The following CACNA1G variants were observed in gnomAD, a reference collection of about 807,000 sequenced individuals.
The protein encoded by CACNA1G is calcium voltage-gated channel subunit alpha1 G.
A neutral mutation model predicts 219.4 loss-of-function variants in CACNA1G; 67 were observed. That is an observed-to-expected ratio of 0.31 (90% confidence interval 0.25 to 0.37). CACNA1G has a LOEUF of 0.37. Among genes scored for constraint, CACNA1G ranks in the 10% least tolerant of loss-of-function variants. CACNA1G has a pLI of 1.00. For synonymous variants in CACNA1G, 1,296 were observed against 1,345.3 expected, an observed-to-expected ratio of 0.96 and a Z score of 0.80; for missense variants, 2,380 against 3,231.4, an observed-to-expected ratio of 0.74 and a Z score of 6.39.
chr17:50,580,061 C>T (rs1416802268), intron 9 of CACNA1G, among the ~76,000 whole-genome samples: 2 of 152,284 alleles, frequency 1.3e-5, no homozygotes, highest in South Asian at 2.1e-4. Flanking sequence ...ATTGGCGTCC[C>T]TTCCTCTAAC....
chr17:50,571,466 C>T lies in CACNA1G; in HGVS notation c.587-412C>T, dbSNP rs559154420. Among the ~76,000 whole-genome samples the T allele has an allele frequency of 2.0e-5, 3 of 152,154 alleles. No individual in the cohort carries two copies. The highest frequency in any genetic ancestry group is 1.9e-4 in the East Asian group (1 of 5,172). On this transcript the variant is annotated intron_variant, in intron 4 of 37. Transcript: ENST00000359106. The surrounding 1 kb of genome is among the most constrained non-coding windows in gnomAD (Gnocchi z 4.3). ...TGTGGGTGTGTGTTGGAGAGGGATTCGGAAGCCAAAGCCTGGGTTCGAGTT... is the reference window on the plus strand; with the variant it reads ...TGTGGGTGTGTGTTGGAGAGGGATTTGGAAGCCAAAGCCTGGGTTCGAGTT...
rs1362998548 is a variant in CACNA1G, at chr17:50,590,455, C to T, written c.2302-16C>T. 2 of 1,613,216 alleles carry T rather than the reference C, an allele frequency of 1.2e-6. No homozygotes were observed. Among genetic ancestry groups the T allele is most frequent in the Admixed American group, 1.7e-5 (1 of 60,004 alleles). On this transcript the variant is annotated splice_polypyrimidine_tract_variant and intron_variant, in intron 9 of 37. Coordinates refer to ENST00000359106, the MANE Select transcript of CACNA1G (RefSeq NM_018896.5). ...AGTGATAAGCCAGCTGCCTCACATC[C>T]CACCCTGCCCTGCAGCCCGAGGAGC...
rs892878765 is a variant in CACNA1G, at chr17:50,561,527, A to G, written c.68A>G (p.Asn23Ser). The G allele has an allele frequency of 2.6e-6, 4 of 1,537,494 alleles. No homozygotes were observed. Among genetic ancestry groups the G allele is most frequent in the East Asian group, 4.9e-5 (2 of 40,844 alleles). The change falls in exon 1 of 38, where the codon AAC becomes AGC. Residue 23 changes from asparagine to serine, a missense_variant. Asn to Ser is a conservative substitution (Grantham distance 46). Around this residue, in one of 17 missense-constraint regions of CACNA1G, gnomAD observed 98 missense variants for 85.5 expected, o/e 1.15. Coordinates refer to ENST00000359106, the MANE Select transcript of CACNA1G (RefSeq NM_018896.5). Reference sequence around the variant, plus strand: ...CAGCCCCGGAGCTTCATGCGGCTCAACGACCTGTCGGGGGCCGGGGGCCGG... The same window carrying G: ...CAGCCCCGGAGCTTCATGCGGCTCAGCGACCTGTCGGGGGCCGGGGGCCGG... ...SGQPRSFMRLNDLSGAGGRPG... is the reference protein window; with the variant it reads ...SGQPRSFMRLSDLSGAGGRPG...
rs1482848142 is a variant in CACNA1G at position 50,595,068 on chromosome 17, A to G, written c.2979+7A>G. On this transcript the variant is annotated splice_region_variant and intron_variant, in intron 14 of 37. Coordinates refer to ENST00000359106, the MANE Select transcript of CACNA1G (RefSeq NM_018896.5). ...GCCTGTCGACTCCCAGGGGGTAGGT[A>G]CGCGATCATGAGCCGGCATGCCTCC... 1.3e-6 allele frequency: 2 copies of G among 1,551,080 alleles called. No homozygotes were observed.
Position 50,626,483 on chromosome 17 carries a change from A to G in CACNA1G, c.6866A>G (p.Asn2289Ser). ...SQPHLGTDPS[N>S]LGGQPLGGPG... is the part of the protein sequence containing the mutation. Reference sequence around the variant, plus strand: ...CCCCACCTGGGCACAGACCCCTCTAACCTTGGGGGCCAGCCTCTTGGGGGG... The same window carrying G: ...CCCCACCTGGGCACAGACCCCTCTAGCCTTGGGGGCCAGCCTCTTGGGGGG... The change falls in exon 38 of 38, where the codon AAC (asparagine) becomes AGC (serine). Residue 2289 changes from asparagine to serine, a missense_variant. Transcript: ENST00000359106. The surrounding 1 kb of genome is among the most constrained non-coding windows in gnomAD (Gnocchi z 4.3). 6.3e-7 allele frequency: 1 copy of G among 1,593,056 alleles called. No homozygotes were observed.
rs769739522 is a variant in CACNA1G at position 50,578,354 on chromosome 17, A to C, written c.2091A>C (p.Thr697=). The C allele has an allele frequency of 1.4e-5, 23 of 1,613,178 alleles. No homozygotes were observed. Among genetic ancestry groups the C allele is most frequent in the Non-Finnish European group, 1.8e-5 (21 of 1,179,882 alleles). ...DSDSEAVYEF[T]QDAQHSDLRD... ...ACAGCGAGGCAGTTTATGAGTTCAC[A>C]CAGGATGCCCAGCACAGCGACCTCC... The change falls in exon 9 of 38, where the codon ACA becomes ACC. Residue 697 remains threonine (T), a synonymous_variant. Transcript: ENST00000359106. The surrounding 1 kb of genome is among the most constrained non-coding windows in gnomAD (Gnocchi z 4.5).
At chr17:50,614,709 A>C (rs1454242000) in intron 26 of CACNA1G, among the ~76,000 whole-genome samples, 1 of 152,188 alleles carries the variant, frequency 6.6e-6, no homozygotes, top group Non-Finnish European at 1.5e-5. Flanking sequence ...TGAGTCCAAC[A>C]GGTGGGGCCC....
chr17:50,585,671 G>A (rs924789977), intron 9 of CACNA1G, among the ~76,000 whole-genome samples: 11 of 152,082 alleles, frequency 7.2e-5, no homozygotes, highest in African/African-American at 2.7e-4. Context: ...AAACTGGAGA[G>A]CTTCCGGGGG....
At position 50,618,649 on chromosome 17, in the gene CACNA1G, C is replaced by A. The variant is rs1320148037; in HGVS notation, c.5428-6C>A. 1.2e-6 allele frequency: 2 copies of A among 1,606,990 alleles called. No homozygotes were observed. The highest frequency in any genetic ancestry group is 1.3e-5 in the African/African-American group (1 of 74,912). Reference sequence around the variant, plus strand: ...CAGCCTCACCCCTCTATTCCACCCTCCCCAGGACACCCTCCGGGACTGTGA... The same window carrying A: ...CAGCCTCACCCCTCTATTCCACCCTACCCAGGACACCCTCCGGGACTGTGA... On this transcript the variant is annotated splice_polypyrimidine_tract_variant and splice_region_variant and intron_variant, in intron 32 of 37. Coordinates refer to ENST00000359106, the MANE Select transcript of CACNA1G (RefSeq NM_018896.5). The surrounding 1 kb of genome is among the most constrained non-coding windows in gnomAD (Gnocchi z 5.3).
intron 9 of CACNA1G, among the ~76,000 whole-genome samples, chr17:50,588,999 CA>C (rs2043596641): frequency 1.3e-5 from 2 of 152,216 alleles, no homozygotes; most frequent in African/African-American, 4.8e-5. Context: ...CAGTGAGAAG[CA>C]AGGAGAGGTG....
At chr17:50,597,719 T>C (rs752624416) in intron 16 of CACNA1G, among the ~76,000 whole-genome samples, 3 of 152,208 alleles carry the variant, frequency 2.0e-5, no homozygotes, top group Non-Finnish European at 4.4e-5. Flanking sequence ...TGCTGTGCAA[T>C]AAATCTCGAA....
At position 50,624,439 on chromosome 17, in the gene CACNA1G, C is replaced by T. The variant is rs2301835; in HGVS notation, c.6309C>T (p.Leu2103=). 0.082 allele frequency: 130,741 copies of T among 1,599,224 alleles called. 5,898 individuals carry two copies. Among genetic ancestry groups the T allele is most frequent in the African/African-American group, 0.16 (12,151 of 74,502 alleles). The change falls in exon 37 of 38, where the codon CTC becomes CTT. Residue 2103 remains leucine (L), a synonymous_variant. Coordinates refer to ENST00000359106, the MANE Select transcript of CACNA1G (RefSeq NM_018896.5). ...TTCCCAAAGATGCACCTCATCTGCT[C>T]CAGCCCCACAGCGCCCCAACCTGGG... ...LQLPKDAPHL[L]QPHSAPTWGT...
At chr17:50,623,835 G>T (rs1220163328) in intron 35 of CACNA1G, 72 bp from the exon 36 acceptor site, 1 of 1,503,514 alleles carries the variant, frequency 6.7e-7, no homozygotes, top group Admixed American at 1.9e-5. Flanking sequence ...GCTTTCTGTT[G>T]TCAGCGCTGC....
chr17:50,576,264 G>C lies in CACNA1G; in HGVS notation c.1862G>C (p.Ser621Thr). 1 of 1,592,126 alleles carries C rather than the reference G, an allele frequency of 6.3e-7. No homozygotes were observed. The highest frequency in any genetic ancestry group is 8.5e-7 in the Non-Finnish European group (1 of 1,170,032). ...AGCTCTGGGCCCCCAACCCTCACCA[G>C]CCTCAACATCCCACCCGGGCCCTAC... ...AASSGPPTLT[S>T]LNIPPGPYSS... The change falls in exon 8 of 38, where the codon AGC becomes ACC. Residue 621 changes from serine to threonine, a missense_variant. This residue lies in a region of CACNA1G where 434 missense variants were observed against 417.3 expected (regional missense o/e 1.04). Transcript: ENST00000359106.
chr17:50,595,387 C>A (rs1276849270), intron 14 of CACNA1G, among the ~76,000 whole-genome samples: 1 of 152,218 alleles, frequency 6.6e-6, no homozygotes, highest in Non-Finnish European at 1.5e-5. Context: ...TGTGTGCGTG[C>A]CTGTGCTGAG....
At chr17:50,565,124 C>T (rs886618625) in intron 1 of CACNA1G, among the ~76,000 whole-genome samples, 11 of 129,822 alleles carry the variant, frequency 8.5e-5, no homozygotes, top group East Asian at 2.0e-4. Context: ...GACATGCGCA[C>T]GCGCGCGCAC....
chr17:50,621,885 C>A lies in CACNA1G; in HGVS notation c.6060+91C>A. 1 of 1,404,342 alleles carries A rather than the reference C, an allele frequency of 7.1e-7. No individual in the cohort carries two copies. The highest frequency in any genetic ancestry group is 9.8e-7 in the Non-Finnish European group (1 of 1,015,762). The allele number at this position is 1,404,342 out of a possible 1,614,324, so 87.0% of individuals were successfully genotyped here. A position where few individuals can be genotyped will look rare whatever the true frequency, so the allele number is the denominator to read the frequency against. On this transcript the variant is annotated intron_variant, in intron 35 of 37. Transcript: ENST00000359106. This position sits in a 1 kb window ranked among gnomAD's most constrained non-coding sequence, Gnocchi z 4.6. ...ATCGGCCCAGGGAGGGTCCTGGGGC[C>A]GCCTCCTCTCAGTTTGCTGCCAGGC...
intron 1 of CACNA1G, among the ~76,000 whole-genome samples, chr17:50,567,615 A>G (rs2038251400): frequency 6.6e-6 from 1 of 152,052 alleles, no homozygotes; most frequent in South Asian, 2.1e-4. Context: ...AGGAGCTGCC[A>G]CAATACCTCC....
At position 50,602,943 on chromosome 17, in the gene CACNA1G, A is replaced by T. The variant is rs2047066142; in HGVS notation, c.3984+55A>T. On this transcript the variant is annotated intron_variant, in intron 20 of 37. Coordinates refer to ENST00000359106, the MANE Select transcript of CACNA1G (RefSeq NM_018896.5). ...TCTGGTTCCTGGTGGGGGTGGAGAC[A>T]GCTTGGGCTGAGGGTGGGAGGGTTG... 4 of 1,597,872 alleles carry T rather than the reference A, an allele frequency of 2.5e-6. No homozygotes were observed. The East Asian group carries it at 8.9e-5, about 36-fold the overall frequency.
Sources: gnomAD v4.1 joint callset for allele counts (sites outside exome capture counted in the v4.1 genomes callset) on GRCh38, gnomAD v4.1.1 for gene constraint, gnomAD v4.1.1 regional missense constraint, Gnocchi (gnomAD v3.1) non-coding constraint, MANE v1.5 for transcripts, NCBI Gene and HGNC (gene_info 2026-07-23, HGNC 2026-07-21) for gene names.